The following TNFRSF19 variants were observed in gnomAD, a reference collection of about 807,000 sequenced individuals.
TNFRSF19 encodes tumor necrosis factor receptor superfamily member 19.
A neutral mutation model predicts 46.4 loss-of-function variants in TNFRSF19; 27 were observed. That is an observed-to-expected ratio of 0.58 (90% CI 0.43 to 0.80). TNFRSF19 has a LOEUF of 0.80. Ranked by LOEUF, TNFRSF19 falls within the 30% of genes least tolerant of loss-of-function variation. The pLI is 0.00. For synonymous variants in TNFRSF19, 204 were observed against 205.0 expected, an observed-to-expected ratio of 1.00 and a Z score of 0.04; for missense variants, 511 against 530.8, an observed-to-expected ratio of 0.96 and a Z score of 0.37.
chr13:23,626,854 T>C, intron 5 of TNFRSF19, 62 bp downstream of exon 5: 1 of 1,541,174 alleles, frequency 6.5e-7, no homozygotes, highest in Non-Finnish European at 8.9e-7. Context: ...AAGTTTAAAT[T>C]TGTAAACGTT....
At chr13:23,625,317 G>A (rs1315129337) in intron 4 of TNFRSF19, among the ~76,000 whole-genome samples, 8 of 141,242 alleles carry the variant, frequency 5.7e-5, no homozygotes, top group African/African-American at 1.8e-4. Context: ...ACAATGCTGT[G>A]ATTGTATTCT....
intron 5 of TNFRSF19, among the ~76,000 whole-genome samples, chr13:23,632,073 C>T (rs1289314716): frequency 6.6e-6 from 1 of 152,144 alleles, no homozygotes; most frequent in South Asian, 2.1e-4. Flanking sequence ...ACTTAACAGC[C>T]CTTTTCCAAG....
intron 1 of TNFRSF19, among the ~76,000 whole-genome samples, chr13:23,587,750 C>T (rs76564283): frequency 0.01 from 1,531 of 152,214 alleles, 31 homozygotes; most frequent in African/African-American, 0.035. Context: ...TTTCCTTGGA[C>T]CTTCAGTTTT....
At chr13:23,615,528 G>T (rs1022144160) in intron 3 of TNFRSF19, among the ~76,000 whole-genome samples, 1 of 152,164 alleles carries the variant, frequency 6.6e-6, no homozygotes, top group African/African-American at 2.4e-5. Context: ...CCTGGCGTTA[G>T]CTTCTGAGCA....
chr13:23,648,249 T>C (rs1388574018), intron 5 of TNFRSF19, among the ~76,000 whole-genome samples: 1 of 152,232 alleles, frequency 6.6e-6, no homozygotes, highest in Non-Finnish European at 1.5e-5. Context: ...TATTTTGGTC[T>C]TCTTTAATTT....
Position 23,613,895 on chromosome 13 carries a change from C to A in TNFRSF19, c.181-1972C>A, listed in dbSNP as rs189208751. Reference sequence around the variant, plus strand: ...GACCCAGCACATGTCCAGAGAAATTCTCCTTGAATATGCATCTTTATTGTT... The same window carrying A: ...GACCCAGCACATGTCCAGAGAAATTATCCTTGAATATGCATCTTTATTGTT... On this transcript the variant is annotated intron_variant, in intron 3 of 9. Transcript: ENST00000248484. 3.9e-4 allele frequency among the ~76,000 whole-genome samples: 59 copies of A among 152,300 alleles called. 1 individual carries two copies. The South Asian group carries it at 6.2e-3, about 16-fold the overall frequency.
intron 9 of TNFRSF19, chr13:23,669,776 GTC>G: frequency 5.4e-6 from 5 of 925,478 alleles, no homozygotes; most frequent in Non-Finnish European, 6.4e-6. Context: ...AACTGGGCAC[GTC>G]TCTGCTTTCT....
chr13:23,594,974 G>C (rs924210417), intron 3 of TNFRSF19, among the ~76,000 whole-genome samples: 1 of 152,166 alleles, frequency 6.6e-6, no homozygotes, highest in East Asian at 1.9e-4. Flanking sequence ...AGGCAAACAG[G>C]GTCTGGAGTG....
At chr13:23,673,153 GTGACTACGA>G (rs1951783530) in intron 9 of TNFRSF19, among the ~76,000 whole-genome samples, 2 of 152,290 alleles carry the variant, frequency 1.3e-5, no homozygotes, top group African/African-American at 4.8e-5. Context: ...CAGTTATTGG[GTGACTACGA>G]ATTGTTATGA....
intron 5 of TNFRSF19, among the ~76,000 whole-genome samples, chr13:23,634,281 G>A (rs1046091967): frequency 2.0e-5 from 3 of 152,242 alleles, no homozygotes; most frequent in African/African-American, 7.2e-5. Context: ...CAAAGTCGCT[G>A]TGTGCCTGAG....
Position 23,673,477 on chromosome 13 carries a change from T to G in TNFRSF19, c.*97T>G. The G allele has an allele frequency of 7.0e-7, 1 of 1,426,710 alleles. No individual in the cohort carries two copies. The highest frequency in any genetic ancestry group is 9.3e-7 in the Non-Finnish European group (1 of 1,079,108). The allele number at this position is 1,426,710 out of a possible 1,614,324, so 88.4% of individuals were successfully genotyped here. ...CTGAGCAGTCTGGACCTTGCATGGCTTCTGGGGCAAAAATAAATCTGAACC... is the reference window on the plus strand; with the variant it reads ...CTGAGCAGTCTGGACCTTGCATGGCGTCTGGGGCAAAAATAAATCTGAACC... On this transcript the variant is annotated 3_prime_UTR_variant, in exon 10 of 10. Coordinates refer to ENST00000248484, the MANE Select transcript of TNFRSF19 (RefSeq NM_148957.4).
At position 23,660,394 on chromosome 13, in the gene TNFRSF19, A is replaced by G. The variant is rs777558903; in HGVS notation, c.640A>G (p.Asn214Asp). The change falls in exon 7 of 10, where the codon AAC (asparagine) becomes GAC (aspartate). Residue 214 changes from asparagine to aspartate, a missense_variant. This residue lies in a region of TNFRSF19 where 376 missense variants were observed against 372.7 expected (regional missense o/e 1.01). Transcript: ENST00000248484. ...WSLRSQDIQY[N>D]GSELSCFDRP... is the part of the protein sequence containing the mutation. ...TCTGCGGTCACAGGACATTCAGTAC[A>G]ACGGCTCTGAGCTGTCGTGTTTTGA... 1.2e-5 allele frequency: 19 copies of G among 1,613,872 alleles called. No individual in the cohort carries two copies. The East Asian group carries it at 2.7e-4, about 23-fold the overall frequency.
rs957118088 is a variant in TNFRSF19, at chr13:23,659,439, C to A, written c.610+225C>A. ...TCCCCAAAAACTTAACTACTAATAG[C>A]CTATTGTTGACGGGAAGCCTTACTG... On this transcript the variant is annotated intron_variant, in intron 6 of 9. Coordinates refer to ENST00000248484, the MANE Select transcript of TNFRSF19 (RefSeq NM_148957.4). This position sits in a 1 kb window ranked among gnomAD's most constrained non-coding sequence, Gnocchi z 4.9. Among the ~76,000 whole-genome samples, 1 of 152,112 alleles carries A rather than the reference C, an allele frequency of 6.6e-6. No homozygotes were observed. The highest frequency in any genetic ancestry group is 1.5e-5 in the Non-Finnish European group (1 of 68,020).
chr13:23,618,690 T>A (rs1881465163), intron 4 of TNFRSF19, among the ~76,000 whole-genome samples: 1 of 152,134 alleles, frequency 6.6e-6, no homozygotes, highest in Non-Finnish European at 1.5e-5. Flanking sequence ...TGAAAACACG[T>A]CCACACAAAA....
intron 3 of TNFRSF19, among the ~76,000 whole-genome samples, chr13:23,610,275 G>A (rs1880804825): frequency 6.6e-6 from 1 of 152,144 alleles, no homozygotes; most frequent in Non-Finnish European, 1.5e-5. Context: ...GGTAGGACCC[G>A]CTTATGTTTT....
At chr13:23,639,973 G>A (rs947058103) in intron 5 of TNFRSF19, among the ~76,000 whole-genome samples, 42 of 152,290 alleles carry the variant, frequency 2.8e-4, no homozygotes, top group African/African-American at 9.1e-4. Context: ...TGACATGAGC[G>A]CAATACTCTG....
intron 1 of TNFRSF19, among the ~76,000 whole-genome samples, chr13:23,572,215 ACTTAAT>A (rs1379394581): frequency 1.3e-5 from 2 of 152,174 alleles, no homozygotes; most frequent in South Asian, 2.1e-4. Context: ...GTCATTAATA[ACTTAAT>A]CTTAAAGATT....
At chr13:23,658,353 T>C (rs1053845327) in intron 5 of TNFRSF19, among the ~76,000 whole-genome samples, 2 of 152,152 alleles carry the variant, frequency 1.3e-5, no homozygotes, top group Admixed American at 6.5e-5. Context: ...CAGGTAGAGG[T>C]TGACCCAGGC....
chr13:23,640,163 G>C (rs1232681695), intron 5 of TNFRSF19, among the ~76,000 whole-genome samples: 1 of 152,162 alleles, frequency 6.6e-6, no homozygotes, highest in Non-Finnish European at 1.5e-5. Context: ...GTGGGAGGCT[G>C]TTTGTGTAGT....
Sources: allele counts gnomAD v4.1 joint callset (sites outside exome capture counted in the v4.1 genomes callset), GRCh38; gene constraint gnomAD v4.1.1; regional missense constraint gnomAD v4.1.1; non-coding constraint Gnocchi (gnomAD v3.1); transcripts MANE v1.5; gene names NCBI Gene and HGNC (gene_info 2026-07-23, HGNC 2026-07-21).